Variants in SBK1 observed in about 807,000 individuals in gnomAD.
The protein encoded by SBK1 is serine/threonine-protein kinase SBK1.
Under a neutral mutation model 24.4 loss-of-function variants are expected in SBK1, and 11 were observed. That is an observed-to-expected ratio of 0.45 (90% confidence interval 0.28 to 0.75). SBK1 has a LOEUF of 0.75. Among genes scored for constraint, SBK1 ranks in the 30% least tolerant of loss-of-function variants. The pLI, the probability that SBK1 is intolerant of heterozygous loss-of-function variation, is 0.12. For missense variants in SBK1, 467 were observed against 620.5 expected, an observed-to-expected ratio of 0.75 and a Z score of 2.63; for synonymous variants, 308 against 284.4, an observed-to-expected ratio of 1.08 and a Z score of -0.83.
chr16:28,322,831 C>T lies in SBK1; in HGVS notation c.*1910C>T, dbSNP rs1274949980. On this transcript the variant is annotated 3_prime_UTR_variant, in exon 4 of 4. Transcript: ENST00000341901. ...CGACTTCTCCTTTTGCCTTAGGCCT[C>T]GCGACATCCTGATCTCTCCTGCAAT... is the stretch of plus-strand genomic sequence containing the variant. 6.6e-6 allele frequency: 1 copy of T among 152,618 alleles called. No individual in the cohort carries two copies. The highest frequency in any genetic ancestry group is 2.4e-5 in the African/African-American group (1 of 41,416). 9.5% of individuals were successfully genotyped at this position (152,618 alleles called of 1,614,324 possible). A position where few individuals can be genotyped will look rare whatever the true frequency, so the allele number is the denominator to read the frequency against.
rs997671320 is a variant in SBK1, at chr16:28,259,683, C to T, written c.257+181C>T. Among the ~76,000 whole-genome samples the T allele has an allele frequency of 1.3e-5, 2 of 152,208 alleles. No homozygotes were observed. Among genetic ancestry groups the T allele is most frequent in the African/African-American group, 4.8e-5 (2 of 41,446 alleles). ...ACCTGGTTGTTGCCACAGCCTCCTT[C>T]CTATCTCCCCCACCCTAGCCCCAGA... On this transcript the variant is annotated intron_variant, in intron 1 of 3. Transcript: ENST00000671413. This position sits in a 1 kb window ranked among gnomAD's most constrained non-coding sequence, Gnocchi z 6.0.
chr16:28,265,970 A>AC (rs35228264), intron 1 of SBK1, among the ~76,000 whole-genome samples: 2 of 151,908 alleles, frequency 1.3e-5, no homozygotes, highest in African/African-American at 2.4e-5. Context: ...ATTAAAAAAA[A>AC]AAAAAAGAAT....
chr16:28,295,652 T>C (rs369375276), intron 1 of SBK1, among the ~76,000 whole-genome samples: 37 of 152,216 alleles, frequency 2.4e-4, no homozygotes, highest in African/African-American at 8.7e-4. Flanking sequence ...CTATAGACGA[T>C]TTTTGTTGGT....
rs2044386702 is a variant in SBK1, at chr16:28,259,907, C to A, written c.257+405C>A. Among the ~76,000 whole-genome samples, 1 of 152,122 alleles carries A rather than the reference C, an allele frequency of 6.6e-6. No homozygotes were observed. The highest frequency in any genetic ancestry group is 2.1e-4 in the South Asian group (1 of 4,826). On this transcript the variant is annotated intron_variant, in intron 1 of 3. Transcript: ENST00000671413. The surrounding 1 kb of genome is among the most constrained non-coding windows in gnomAD (Gnocchi z 6.0). Reference sequence around the variant, plus strand: ...TGAAACTCTGCCCAGACTTCTCTTCCCCCATTCTCCTCCATCCAGGCCCAG... The same window carrying A: ...TGAAACTCTGCCCAGACTTCTCTTCACCCATTCTCCTCCATCCAGGCCCAG...
chr16:28,316,607 A>G (rs1408753517), intron 1 of SBK1, among the ~76,000 whole-genome samples: 4 of 152,014 alleles, frequency 2.6e-5, no homozygotes, highest in African/African-American at 7.2e-5. Context: ...TCTACAAAAA[A>G]AAAATTAAAA....
chr16:28,297,656 CA>C (rs2044650039), intron 1 of SBK1, among the ~76,000 whole-genome samples: 1 of 152,168 alleles, frequency 6.6e-6, no homozygotes, highest in South Asian at 2.1e-4. Context: ...GTAGGATCAT[CA>C]GGGGGATTAA....
intron 1 of SBK1, among the ~76,000 whole-genome samples, chr16:28,316,692 G>T (rs1027535002): frequency 6.6e-6 from 1 of 152,126 alleles, no homozygotes; most frequent in Non-Finnish European, 1.5e-5. Flanking sequence ...TCCTGCACAT[G>T]TACCCCAGAA....
intron 1 of SBK1, among the ~76,000 whole-genome samples, chr16:28,263,137 T>C (rs1001832856): frequency 6.6e-6 from 1 of 152,196 alleles, no homozygotes; most frequent in African/African-American, 2.4e-5. Flanking sequence ...CCCGTCTACA[T>C]GAAAGCATCC....
chr16:28,316,388 G>A (rs1415606497), intron 1 of SBK1, among the ~76,000 whole-genome samples: 1 of 152,174 alleles, frequency 6.6e-6, no homozygotes, highest in African/African-American at 2.4e-5. Context: ...AAGCCCCATG[G>A]TGGCAGGGAA....
chr16:28,302,773 A>G (rs1205724638), intron 1 of SBK1, among the ~76,000 whole-genome samples: 3 of 152,166 alleles, frequency 2.0e-5, no homozygotes, highest in Non-Finnish European at 2.9e-5. Flanking sequence ...AGTGCCTTCT[A>G]TACTCCAGGC....
chr16:28,264,444 C>G (rs761067539), intron 1 of SBK1, among the ~76,000 whole-genome samples: 2 of 151,542 alleles, frequency 1.3e-5, no homozygotes, highest in Non-Finnish European at 1.5e-5. Context: ...CATGGAGGCA[C>G]ACACCTGTAG....
intron 1 of SBK1, among the ~76,000 whole-genome samples, chr16:28,260,058 A>G (rs1295779753): frequency 6.7e-6 from 1 of 149,910 alleles, no homozygotes; most frequent in African/African-American, 2.5e-5. Flanking sequence ...GAATTCATAC[A>G]CGAAAATGCA....
intron 1 of SBK1, among the ~76,000 whole-genome samples, chr16:28,268,702 G>T (rs2044444965): frequency 6.6e-6 from 1 of 151,948 alleles, no homozygotes. Flanking sequence ...GGCGGAGGTT[G>T]CAGTGAGCCG....
chr16:28,274,883 TAAG>T (rs2044486932), intron 1 of SBK1, among the ~76,000 whole-genome samples: 1 of 152,014 alleles, frequency 6.6e-6, no homozygotes, highest in African/African-American at 2.4e-5. Context: ...TGGTTGGACA[TAAG>T]GAGCTAAATC....
At chr16:28,305,886 G>A (rs1296945744) in intron 1 of SBK1, among the ~76,000 whole-genome samples, 2 of 152,164 alleles carry the variant, frequency 1.3e-5, no homozygotes, top group Non-Finnish European at 2.9e-5. Flanking sequence ...CTTAAAACCA[G>A]ATTTGACCCA....
At chr16:28,309,197 C>T (rs926813552) in intron 1 of SBK1, among the ~76,000 whole-genome samples, 1 of 152,164 alleles carries the variant, frequency 6.6e-6, no homozygotes, top group Non-Finnish European at 1.5e-5. Flanking sequence ...ATCAAACCAG[C>T]TGCAGAAGAA....
intron 1 of SBK1, among the ~76,000 whole-genome samples, chr16:28,282,286 A>G (rs1245275523): frequency 6.6e-6 from 1 of 151,466 alleles, no homozygotes; most frequent in Non-Finnish European, 1.5e-5. Context: ...CGGCTGCAGA[A>G]AGGAGGAAGA....
intron 1 of SBK1, among the ~76,000 whole-genome samples, chr16:28,262,148 T>C (rs2044401606): frequency 6.6e-6 from 1 of 152,168 alleles, no homozygotes; most frequent in Non-Finnish European, 1.5e-5. Context: ...GAGTGTTTCT[T>C]TGCTGCTGGA....
chr16:28,260,697 T>C (rs1240155091), intron 1 of SBK1, among the ~76,000 whole-genome samples: 1 of 152,162 alleles, frequency 6.6e-6, no homozygotes, highest in Admixed American at 6.6e-5. Flanking sequence ...ACACAGTGAC[T>C]GGCCACCCAC....
Sources: gnomAD v4.1 joint callset for allele counts (sites outside exome capture counted in the v4.1 genomes callset) on GRCh38, gnomAD v4.1.1 for gene constraint, Gnocchi (gnomAD v3.1) non-coding constraint, MANE v1.5 for transcripts, NCBI Gene and HGNC (gene_info 2026-07-23, HGNC 2026-07-21) for gene names.